Variants in MAPK10 observed in about 807,000 individuals in gnomAD.
MAPK10 encodes mitogen-activated protein kinase 10.
In MAPK10, 25 loss-of-function variants were observed where a neutral mutation model predicts 59.3. The ratio of observed to expected loss-of-function variants is 0.42; its 90% confidence interval spans 0.31 to 0.59. The LOEUF (loss-of-function observed/expected upper bound fraction) is 0.59. MAPK10 is among the 20% of genes least tolerant of loss of function. The probability of loss-of-function intolerance (pLI) is 0.15; values close to 1 mark genes in which losing one functional copy is unlikely to be tolerated. For synonymous variants in MAPK10, 190 were observed against 200.5 expected (o/e 0.95, Z 0.44); for missense variants, 351 against 568.9 (o/e 0.62, Z 3.90).
chr4:86,522,150 A>G (rs1163087696), intron 1 of MAPK10, among the ~76,000 whole-genome samples: 1 of 152,156 alleles, frequency 6.6e-6, no homozygotes, highest in Non-Finnish European at 1.5e-5. Flanking sequence ...GTGTGTTCAG[A>G]GTCTGACTTA....
chr4:86,582,593 C>G (rs1762380660), intron 1 of MAPK10, among the ~76,000 whole-genome samples: 1 of 152,142 alleles, frequency 6.6e-6, no homozygotes, highest in Non-Finnish European at 1.5e-5. Flanking sequence ...ATAACTAGAG[C>G]AAGACTGAAA....
chr4:86,509,800 T>C (rs1756078163), intron 1 of MAPK10, among the ~76,000 whole-genome samples: 2 of 152,244 alleles, frequency 1.3e-5, no homozygotes, highest in Non-Finnish European at 2.9e-5. Context: ...TTGTCAAAAA[T>C]ACAATTTGGG....
chr4:86,355,327 C>A (rs1285178433), intron 1 of MAPK10, among the ~76,000 whole-genome samples: 2 of 152,046 alleles, frequency 1.3e-5, no homozygotes, highest in African/African-American at 4.8e-5. Context: ...GAGTTTCTTT[C>A]CTGCCCAGGT....
rs150598686 is a variant in MAPK10, at chr4:86,266,846, C to T, written c.-6-72439G>A. On this transcript the variant is annotated intron_variant, in intron 2 of 13. Transcript: ENST00000641462. ...ATAAGATATTAAAAATATAATAACA[C>T]ATCAAGTAGTGTTATATAATATTAT... Among the ~76,000 whole-genome samples, 880 of 151,958 alleles carry T rather than the reference C, an allele frequency of 5.8e-3. 8 individuals are homozygous for T. Among genetic ancestry groups the T allele is most frequent in the African/African-American group, 0.02 (828 of 41,446 alleles).
At chr4:86,144,976 G>T (rs1188562350) in intron 4 of MAPK10, among the ~76,000 whole-genome samples, 1 of 150,140 alleles carries the variant, frequency 6.7e-6, no homozygotes, top group Non-Finnish European at 1.5e-5. Flanking sequence ...TCCCTACCCG[G>T]TAATATGTTT....
At chr4:86,164,073 C>T (rs2070765489) in intron 3 of MAPK10, among the ~76,000 whole-genome samples, 1 of 152,078 alleles carries the variant, frequency 6.6e-6, no homozygotes, top group South Asian at 2.1e-4. Context: ...GAGTGGGAAA[C>T]ATTGAGGTTT....
intron 2 of MAPK10, among the ~76,000 whole-genome samples, chr4:86,207,478 C>G (rs188952216): frequency 2.6e-5 from 4 of 152,026 alleles, no homozygotes; most frequent in Non-Finnish European, 4.4e-5. Flanking sequence ...AGTCAGGTAG[C>G]GTGATGCCTC....
At chr4:86,096,721 A>G (rs527680563) in intron 9 of MAPK10, among the ~76,000 whole-genome samples, 9 of 152,144 alleles carry the variant, frequency 5.9e-5, no homozygotes, top group Admixed American at 5.9e-4. Context: ...TAAAGTCAGC[A>G]CATTTAAATA....
At chr4:86,066,626 G>T (rs1039546765) in intron 10 of MAPK10, among the ~76,000 whole-genome samples, 10 of 151,934 alleles carry the variant, frequency 6.6e-5, no homozygotes, top group African/African-American at 2.2e-4. Context: ...TTAGCTGGGC[G>T]TGGTGGCGGG....
intron 4 of MAPK10, among the ~76,000 whole-genome samples, chr4:86,147,340 T>C (rs2065249386): frequency 6.6e-6 from 1 of 152,168 alleles, no homozygotes; most frequent in Admixed American, 6.5e-5. Flanking sequence ...TCTGCCTGCC[T>C]CAGCCTCCCA....
At chr4:86,305,773 C>T (rs1289298875) in intron 2 of MAPK10, among the ~76,000 whole-genome samples, 2 of 147,328 alleles carry the variant, frequency 1.4e-5, no homozygotes, top group African/African-American at 5.0e-5. Context: ...GAGCCGAGAT[C>T]ACACCACTAC....
At chr4:86,571,305 A>G (rs1353105874) in intron 1 of MAPK10, among the ~76,000 whole-genome samples, 1 of 146,804 alleles carries the variant, frequency 6.8e-6, no homozygotes, top group African/African-American at 2.5e-5. Flanking sequence ...ATGTATATAT[A>G]TATTTACTGG....
intron 2 of MAPK10, among the ~76,000 whole-genome samples, chr4:86,223,836 C>A (rs1223913804): frequency 1.3e-5 from 2 of 152,302 alleles, no homozygotes; most frequent in East Asian, 3.9e-4. Context: ...AGTCTCTTTT[C>A]CCTGCTTTTC....
intron 1 of MAPK10, among the ~76,000 whole-genome samples, chr4:86,529,535 C>G (rs1301800297): frequency 6.6e-6 from 1 of 152,192 alleles, no homozygotes; most frequent in Non-Finnish European, 1.5e-5. Context: ...AGCCAGGAAA[C>G]AAAATGTCTG....
At chr4:86,544,599 C>A (rs1758995523) in intron 1 of MAPK10, among the ~76,000 whole-genome samples, 1 of 152,200 alleles carries the variant, frequency 6.6e-6, no homozygotes, top group South Asian at 2.1e-4. Flanking sequence ...GTGAGCAATA[C>A]ATGCTAATAA....
chr4:86,096,528 A>G (rs1017307738), intron 9 of MAPK10, among the ~76,000 whole-genome samples: 3 of 152,012 alleles, frequency 2.0e-5, no homozygotes, highest in East Asian at 3.8e-4. Context: ...ATCAAGTGAC[A>G]TGTAACAAAA....
intron 11 of MAPK10, among the ~76,000 whole-genome samples, chr4:86,051,411 C>G (rs2043506477): frequency 6.6e-6 from 1 of 152,158 alleles, no homozygotes; most frequent in African/African-American, 2.4e-5. Flanking sequence ...TTCCCTGAAT[C>G]TGAAGGTTAC....
intron 11 of MAPK10, among the ~76,000 whole-genome samples, chr4:86,049,367 A>C (rs1231068542): frequency 3.3e-5 from 5 of 151,904 alleles, no homozygotes; most frequent in Admixed American, 3.3e-4. Flanking sequence ...TATTATATAC[A>C]TTATTATATA....
At chr4:86,435,724 T>C (rs1748637340) in intron 1 of MAPK10, among the ~76,000 whole-genome samples, 1 of 152,170 alleles carries the variant, frequency 6.6e-6, no homozygotes, top group Non-Finnish European at 1.5e-5. Flanking sequence ...AGCTATAGAC[T>C]CAATGCTCAC....
Sources: allele counts gnomAD v4.1 joint callset (sites outside exome capture counted in the v4.1 genomes callset), GRCh38; gene constraint gnomAD v4.1.1; transcripts MANE v1.5; gene names NCBI Gene and HGNC (gene_info 2026-07-23, HGNC 2026-07-21).